The following PLD5 variants were observed in gnomAD, a reference collection of about 807,000 sequenced individuals.
The protein encoded by PLD5 is inactive phospholipase D5.
A neutral mutation model predicts 61.1 loss-of-function variants in PLD5; 36 were observed. That is an observed-to-expected ratio of 0.59 (90% CI 0.45 to 0.78). PLD5 has a LOEUF of 0.78. PLD5 is among the 30% of genes least tolerant of loss of function. The pLI is 0.00. For missense variants in PLD5, 515 were observed against 644.4 expected (o/e 0.80, Z 2.17); for synonymous variants, 243 against 242.8 (o/e 1.00, Z -0.01).
chr1:242,483,793 G>A (rs1160773572), intron 1 of PLD5, among the ~76,000 whole-genome samples: 1 of 152,146 alleles, frequency 6.6e-6, no homozygotes, highest in African/African-American at 2.4e-5. Context: ...TTCCAAAATT[G>A]ACCACATAGG....
chr1:242,436,866 T>C (rs1004402859), intron 1 of PLD5, among the ~76,000 whole-genome samples: 5 of 152,220 alleles, frequency 3.3e-5, no homozygotes, highest in Non-Finnish European at 7.3e-5. Context: ...ATTTAATATT[T>C]ATTCTAAGAC....
intron 4 of PLD5, among the ~76,000 whole-genome samples, chr1:242,227,974 G>A (rs980842050): frequency 7.9e-5 from 12 of 152,212 alleles, no homozygotes; most frequent in Admixed American, 2.0e-4. Flanking sequence ...CTTCCGTTCC[G>A]AATCTTCTCC....
intron 5 of PLD5, among the ~76,000 whole-genome samples, chr1:242,128,436 A>T (rs1662973548): frequency 6.6e-6 from 1 of 152,162 alleles, no homozygotes; most frequent in Admixed American, 6.5e-5. Flanking sequence ...AGGCAAAGGC[A>T]GTGGCCGTGG....
chr1:242,519,783 G>A (rs187820996), intron 1 of PLD5, among the ~76,000 whole-genome samples: 16 of 152,294 alleles, frequency 1.1e-4, no homozygotes, highest in Admixed American at 7.8e-4. Flanking sequence ...CAAACAGACA[G>A]CATAACAGGC....
At chr1:242,327,936 G>GA (rs201572013) in intron 2 of PLD5, among the ~76,000 whole-genome samples, 1 of 149,850 alleles carries the variant, frequency 6.7e-6, no homozygotes, top group African/African-American at 2.5e-5. Context: ...CTAGTTAGAA[G>GA]AAAAAAAAAA....
rs1436314247 is a variant in PLD5, at chr1:242,393,942, C to T, written c.190-45700G>A. Among the ~76,000 whole-genome samples, 6 of 142,984 alleles carry T rather than the reference C, an allele frequency of 4.2e-5. 1 individual carries two copies. The highest frequency in any genetic ancestry group is 9.0e-5 in the Non-Finnish European group (6 of 66,302). The allele number at this position is 142,984 out of a possible 152,430, so 93.8% of individuals were successfully genotyped here. A position where few individuals can be genotyped will look rare whatever the true frequency, so the allele number is the denominator to read the frequency against. On this transcript the variant is annotated intron_variant, in intron 1 of 9. Coordinates refer to ENST00000536534, the MANE Select transcript of PLD5 (RefSeq NM_001372062.1). ...GGGTGTGGGGGTGCGTGCCTGTAAT[C>T]CCAGCTACTCAGGAGGCTGAGGCAG...
At chr1:242,347,299 AAT>A in intron 2 of PLD5, among the ~76,000 whole-genome samples, 1 of 152,246 alleles carries the variant, frequency 6.6e-6, no homozygotes, top group Non-Finnish European at 1.5e-5. Flanking sequence ...TCCACTGGGA[AAT>A]ATAACAATTT....
chr1:242,512,201 G>A (rs1413885761), intron 1 of PLD5, among the ~76,000 whole-genome samples: 2 of 151,660 alleles, frequency 1.3e-5, no homozygotes, highest in Non-Finnish European at 2.9e-5. Context: ...CACGAGGTCA[G>A]GAGATCGAGA....
At position 242,083,743 on chromosome 1, in the gene PLD5, A is replaced by ATC; in HGVS notation, c.*6110_*6111insGA. ...AAATTGTAGATTACGCTCTGATTTG[A>ATC]ATGTTATTGGATCATATTTTCTGAG... is the stretch of plus-strand genomic sequence containing the variant. On this transcript the variant is annotated 3_prime_UTR_variant, in exon 10 of 10. Transcript: ENST00000536534. 2 of 152,326 alleles carry ATC rather than the reference A, an allele frequency of 1.3e-5. No homozygotes were observed. Among genetic ancestry groups the ATC allele is most frequent in the African/African-American group, 4.8e-5 (2 of 41,588 alleles). 9.4% of individuals were successfully genotyped at this position (152,326 alleles called of 1,614,324 possible). A position where few individuals can be genotyped will look rare whatever the true frequency, so the allele number is the denominator to read the frequency against.
At chr1:242,410,029 C>G (rs188630571) in intron 1 of PLD5, among the ~76,000 whole-genome samples, 77 of 152,262 alleles carry the variant, frequency 5.1e-4, no homozygotes, top group African/African-American at 1.8e-3. Flanking sequence ...GACCCCTTTT[C>G]CCCTCTAGCT....
intron 5 of PLD5, among the ~76,000 whole-genome samples, chr1:242,194,582 C>G (rs1358096678): frequency 1.4e-5 from 1 of 70,322 alleles, no homozygotes; most frequent in Non-Finnish European, 2.5e-5. Flanking sequence ...ATCTATCTAT[C>G]TATCTATCTA....
At chr1:242,323,576 A>G (rs1319764903) in intron 2 of PLD5, among the ~76,000 whole-genome samples, 1 of 152,224 alleles carries the variant, frequency 6.6e-6, no homozygotes, top group Non-Finnish European at 1.5e-5. Flanking sequence ...TAAAGGGAAT[A>G]CAACAAATCA....
At chr1:242,523,407 C>T (rs1353108497) in intron 1 of PLD5, among the ~76,000 whole-genome samples, 1 of 151,856 alleles carries the variant, frequency 6.6e-6, no homozygotes, top group Non-Finnish European at 1.5e-5. Flanking sequence ...ATTCACTTCG[C>T]GTGAAGTCGG....
chr1:242,435,955 C>A (rs1665975832), intron 1 of PLD5, among the ~76,000 whole-genome samples: 1 of 152,150 alleles, frequency 6.6e-6, no homozygotes, highest in Admixed American at 6.5e-5. Flanking sequence ...GAAAAAAACT[C>A]CATTCACAAG....
At chr1:242,181,385 C>A (rs57195970) in intron 5 of PLD5, among the ~76,000 whole-genome samples, 11,886 of 152,138 alleles carry the variant, frequency 0.078, 537 homozygotes, top group Middle Eastern at 0.15. Context: ...AAAATATACA[C>A]TGGATTTAGG....
rs1376971760 is a variant in PLD5, at chr1:242,112,315, G to A, written c.1070+1575C>T. 6.1e-4 allele frequency among the ~76,000 whole-genome samples: 67 copies of A among 109,170 alleles called. 2 individuals carry two copies. The highest frequency in any genetic ancestry group is 3.0e-3 in the African/African-American group (67 of 22,156). 71.6% of individuals were successfully genotyped at this position (109,170 alleles called of 152,430 possible). On this transcript the variant is annotated intron_variant, in intron 7 of 9. Coordinates refer to ENST00000536534, the MANE Select transcript of PLD5 (RefSeq NM_001372062.1). ...TGTGTGTGTGTGTGTGTGTGTGTGTGTGTGTGTGTATGTATGTATATGTGT... is the reference window on the plus strand; with the variant it reads ...TGTGTGTGTGTGTGTGTGTGTGTGTATGTGTGTGTATGTATGTATATGTGT...
chr1:242,479,988 T>C (rs1394138215), intron 1 of PLD5, among the ~76,000 whole-genome samples: 1 of 151,750 alleles, frequency 6.6e-6, no homozygotes, highest in Non-Finnish European at 1.5e-5. Flanking sequence ...AAGGCACAGA[T>C]TGCAGTAAGT....
At chr1:242,393,896 C>T (rs1663152513) in intron 1 of PLD5, among the ~76,000 whole-genome samples, 1 of 145,392 alleles carries the variant, frequency 6.9e-6, no homozygotes, top group South Asian at 2.2e-4. Context: ...CCCGTCTCTA[C>T]TAAAAATGCA....
intron 4 of PLD5, among the ~76,000 whole-genome samples, chr1:242,248,738 C>A (rs912739940): frequency 3.3e-5 from 5 of 152,122 alleles, no homozygotes; most frequent in Admixed American, 1.3e-4. Context: ...AGCATGTACT[C>A]TTTCCTCAAG....
Sources: gnomAD v4.1 joint callset for allele counts (sites outside exome capture counted in the v4.1 genomes callset) on GRCh38, gnomAD v4.1.1 for gene constraint, MANE v1.5 for transcripts, NCBI Gene and HGNC (gene_info 2026-07-23, HGNC 2026-07-21) for gene names.